Variants in GRK4 observed in about 807,000 individuals in gnomAD.
GRK4 encodes G protein-coupled receptor kinase 2-like.
Under a neutral mutation model 77.9 loss-of-function variants are expected in GRK4, and 73 were observed. The ratio of observed to expected loss-of-function variants is 0.94; its 90% CI spans 0.78 to 1.14. GRK4 has a LOEUF of 1.14. Among genes scored for constraint, GRK4 ranks in the 50% most tolerant of loss-of-function variants. The pLI, the probability that GRK4 is intolerant of heterozygous loss-of-function variation, is 0.00. For synonymous variants in GRK4, 257 were observed against 254.4 expected (o/e 1.01, Z -0.10); for missense variants, 729 against 700.2 (o/e 1.04, Z -0.46).
At chr4:3,033,653 C>T (rs1739773448) in intron 12 of GRK4, among the ~76,000 whole-genome samples, 1 of 152,168 alleles carries the variant, frequency 6.6e-6, no homozygotes, top group Non-Finnish European at 1.5e-5. Context: ...GTGGTGCGAC[C>T]TCAGCTCACT....
chr4:3,028,604 C>T (rs1430002697), intron 11 of GRK4, among the ~76,000 whole-genome samples: 1 of 152,220 alleles, frequency 6.6e-6, no homozygotes, highest in African/African-American at 2.4e-5. Flanking sequence ...GTGAATGTGA[C>T]TCTGTGGCAA....
At chr4:3,037,563 G>A in intron 14 of GRK4, 52 bp downstream of exon 14, 9 of 1,561,508 alleles carry the variant, frequency 5.8e-6, no homozygotes, top group Non-Finnish European at 7.9e-6. Context: ...AGTGACCCAG[G>A]GAAAAGGGTG....
At position 3,013,813 on chromosome 4, in the gene GRK4, G is replaced by T. The variant is rs774631574; in HGVS notation, c.726G>T (p.Val242=). 1 of 1,609,588 alleles carries T rather than the reference G, an allele frequency of 6.2e-7. No homozygotes were observed. The highest frequency in any genetic ancestry group is 1.1e-5 in the South Asian group (1 of 89,780). ...ATGAGAAAAGAATTCTGGAGAAAGTGCAAAGTAGATTCGTAGTAAGTGTCT... is the reference window on the plus strand; with the variant it reads ...ATGAGAAAAGAATTCTGGAGAAAGTTCAAAGTAGATTCGTAGTAAGTGTCT... The part of the protein sequence containing the change: ...ALNEKRILEK[V]QSRFVVSLAY... Residue 242 remains valine, a synonymous_variant, in exon 8 of 16, where the codon GTG becomes GTT. Transcript: ENST00000398052.
At chr4:3,015,641 C>A (rs113879576) in intron 8 of GRK4, among the ~76,000 whole-genome samples, 11,345 of 149,078 alleles carry the variant, frequency 0.076, 561 homozygotes, top group Middle Eastern at 0.18. Context: ...CGCCACTGCA[C>A]TCCAGCCTGG....
intron 1 of GRK4, among the ~76,000 whole-genome samples, chr4:2,968,092 G>GT (rs1718336814): frequency 2.0e-5 from 3 of 149,328 alleles, no homozygotes; most frequent in Non-Finnish European, 4.5e-5. Flanking sequence ...TGCCCGGCCT[G>GT]TTTTGTTTTT....
chr4:2,971,797 G>C (rs1001546947), intron 1 of GRK4, among the ~76,000 whole-genome samples: 1 of 152,192 alleles, frequency 6.6e-6, no homozygotes, highest in African/African-American at 2.4e-5. Flanking sequence ...TGGCTCGCTG[G>C]CAGTCTCTGG....
chr4:3,015,841 A>G (rs1357539631), intron 8 of GRK4, among the ~76,000 whole-genome samples: 1 of 151,544 alleles, frequency 6.6e-6, no homozygotes, highest in Non-Finnish European at 1.5e-5. Flanking sequence ...TGGGAGGCCA[A>G]GGTGGGAGGA....
At chr4:2,976,890 C>T (rs1721372265) in intron 1 of GRK4, among the ~76,000 whole-genome samples, 3 of 152,268 alleles carry the variant, frequency 2.0e-5, no homozygotes, top group South Asian at 4.1e-4. Context: ...CTGTCCACCC[C>T]GGTCTCCCAA....
chr4:2,985,346 A>G (rs1402610886), intron 2 of GRK4, among the ~76,000 whole-genome samples: 1 of 150,188 alleles, frequency 6.7e-6, no homozygotes, highest in African/African-American at 2.5e-5. Flanking sequence ...GCTTGCAGTG[A>G]GCCGAAATCA....
intron 1 of GRK4, among the ~76,000 whole-genome samples, chr4:2,973,763 A>T (rs537199607): frequency 7.9e-5 from 12 of 152,250 alleles, no homozygotes; most frequent in African/African-American, 2.9e-4. Context: ...CGTTCTCAGC[A>T]CAGCAGCCAG....
Position 3,022,599 on chromosome 4 carries a change from A to C in GRK4, c.970+148A>C, listed in dbSNP as rs192654357. The C allele has an allele frequency of 3.1e-3, 2,175 of 703,330 alleles. 15 individuals are homozygous for C. The highest frequency in any genetic ancestry group is 3.5e-3 in the Non-Finnish European group (1,494 of 421,974). 43.6% of individuals were successfully genotyped at this position (703,330 alleles called of 1,614,324 possible). A position where few individuals can be genotyped will look rare whatever the true frequency, so the allele number is the denominator to read the frequency against. ...AAACTCTGTGGTATGTGTTCATTTT[A>C]AAAAGATGAAATACTGACAATTTGG... On this transcript the variant is annotated intron_variant, in intron 10 of 15. Coordinates refer to ENST00000398052, the MANE Select transcript of GRK4 (RefSeq NM_182982.3).
chr4:3,029,549 C>T, intron 12 of GRK4, 140 bp downstream of exon 12: 1 of 682,634 alleles, frequency 1.5e-6, no homozygotes, highest in Non-Finnish European at 2.5e-6. Context: ...TGCCCCTGCC[C>T]CTGCAGCCCA....
intron 14 of GRK4, among the ~76,000 whole-genome samples, chr4:3,037,820 C>G (rs533159781): frequency 6.6e-6 from 1 of 151,276 alleles, no homozygotes; most frequent in Admixed American, 6.6e-5. Flanking sequence ...GATGCTGAGG[C>G]AGGAGAATCG....
In GRK4 at chr4:3,035,435, C is replaced by A. The variant is rs747003103; in HGVS notation, c.1319C>A (p.Ala440Glu). ...SKRLGCRGEG[A>E]AGVKQHPVFK... ...CGGCTGGGCTGCAGGGGCGAGGGAG[C>A]GGCTGGGGTGAAGCAGCACCCCGTG... The change falls in exon 13 of 16, where the codon GCG becomes GAG. Residue 440 changes from alanine to glutamate, a missense_variant. Transcript: ENST00000398052. 3 of 1,613,624 alleles carry A rather than the reference C, an allele frequency of 1.9e-6. No individual in the cohort carries two copies. The highest frequency in any genetic ancestry group is 2.5e-6 in the Non-Finnish European group (3 of 1,179,788).
At position 3,019,803 on chromosome 4, in the gene GRK4, G is replaced by C. The variant is rs1276827133; in HGVS notation, c.904G>C (p.Asp302His). The C allele has an allele frequency of 6.2e-7, 1 of 1,614,068 alleles. No homozygotes were observed. The highest frequency in any genetic ancestry group is 8.5e-7 in the Non-Finnish European group (1 of 1,179,960). Residue 302 changes from aspartate (D) to histidine (H), a missense_variant, in exon 9 of 16, where the codon GAT becomes CAT. Coordinates refer to ENST00000398052, the MANE Select transcript of GRK4 (RefSeq NM_182982.3). Reference sequence around the variant, plus strand: ...TGCAGAGCTGTGTTGCGGCTTGGAAGATTTACAGAGGGAAAGAATTGTATA... The same window carrying C: ...TGCAGAGCTGTGTTGCGGCTTGGAACATTTACAGAGGGAAAGAATTGTATA... Reference protein sequence around the residue: ...YAAELCCGLEDLQRERIVYRD... With the variant: ...YAAELCCGLEHLQRERIVYRD...
intron 4 of GRK4, among the ~76,000 whole-genome samples, chr4:2,993,883 T>G (rs1019916245): frequency 6.6e-6 from 1 of 152,154 alleles, no homozygotes; most frequent in African/African-American, 2.4e-5. Context: ...ATGGAATTAG[T>G]GAATAGTGTG....
rs185093859 is a variant in GRK4, at chr4:2,992,397, T to G, written c.339+105T>G. ...GTAACATATGTTAAAAGCTTTAATT[T>G]GGCTGGGTGTGATGCCTGACGCCTG... On this transcript the variant is annotated intron_variant, in intron 4 of 15. Transcript: ENST00000398052. 603 of 718,150 alleles carry G rather than the reference T, an allele frequency of 8.4e-4. 4 individuals are homozygous for G. The highest frequency in any genetic ancestry group is 4.5e-3 in the Middle Eastern group (11 of 2,440). 44.5% of individuals were successfully genotyped at this position (718,150 alleles called of 1,614,324 possible).
At chr4:3,012,971 G>A (rs112414079) in intron 7 of GRK4, among the ~76,000 whole-genome samples, 70 of 151,840 alleles carry the variant, frequency 4.6e-4, no homozygotes, top group African/African-American at 1.6e-3. Context: ...GTGAAATCCC[G>A]TCTTTACTAA....
Position 3,029,399 on chromosome 4 carries a change from T to C in GRK4, c.1259T>C (p.Ile420Thr). Residue 420 changes from isoleucine (I) to threonine (T), a missense_variant, in exon 12 of 16, where the codon ATC (isoleucine) becomes ACC (threonine). By Grantham distance (89) the Ile-to-Thr change is moderately conservative. Coordinates refer to ENST00000398052, the MANE Select transcript of GRK4 (RefSeq NM_182982.3). ...SEKFSEDAKS[I>T]CRMLLTKNPS... is the part of the protein sequence containing the mutation. ...AAGTTTTCAGAGGATGCCAAATCTA[T>C]CTGCAGGATGGTAAGTCAGGCTCTG... is the stretch of plus-strand genomic sequence containing the variant. The C allele has an allele frequency of 6.2e-7, 1 of 1,613,352 alleles. No individual in the cohort carries two copies. Among genetic ancestry groups the C allele is most frequent in the Non-Finnish European group, 8.5e-7 (1 of 1,179,364 alleles).
Sources: gnomAD v4.1 joint callset for allele counts (sites outside exome capture counted in the v4.1 genomes callset) on GRCh38, gnomAD v4.1.1 for gene constraint, MANE v1.5 for transcripts, NCBI Gene and HGNC (gene_info 2026-07-23, HGNC 2026-07-21) for gene names.